Variants in CHCHD3 observed in about 807,000 individuals in gnomAD.
CHCHD3 encodes the protein MICOS complex subunit MIC19.
In CHCHD3, 20 loss-of-function variants were observed where a neutral mutation model predicts 38.2. That is an observed-to-expected ratio of 0.52 (90% CI 0.37 to 0.76). The LOEUF (loss-of-function observed/expected upper bound fraction) is 0.76, where lower values mean the gene tolerates loss of function less well. Among genes scored for constraint, CHCHD3 ranks in the 30% least tolerant of loss-of-function variants. The probability of loss-of-function intolerance (pLI) is 0.00; values close to 1 mark genes in which losing one functional copy is unlikely to be tolerated. For synonymous variants in CHCHD3, 82 were observed against 100.0 expected (o/e 0.82, Z 1.07); for missense variants, 245 against 279.2 (o/e 0.88, Z 0.87).
chr7:133,035,469 A>G lies in CHCHD3; in HGVS notation c.170-10842T>C, dbSNP rs1813646324. 30 of 1,613,402 alleles carry G rather than the reference A, an allele frequency of 1.9e-5. No homozygotes were observed. The highest frequency in any genetic ancestry group is 2.4e-5 in the Non-Finnish European group (28 of 1,179,496). On this transcript the variant is annotated intron_variant, in intron 2 of 7. Coordinates refer to ENST00000262570, the MANE Select transcript of CHCHD3 (RefSeq NM_017812.4). This position sits in a 1 kb window ranked among gnomAD's most constrained non-coding sequence, Gnocchi z 4.7. ...CAATGTCACTCGTTCGCCCACCAGAAAAGTCCTCGTCTTCAAGTAAGCATC... is the reference window on the plus strand; with the variant it reads ...CAATGTCACTCGTTCGCCCACCAGAGAAGTCCTCGTCTTCAAGTAAGCATC...
intron 6 of CHCHD3, among the ~76,000 whole-genome samples, chr7:132,826,479 G>A (rs1807511437): frequency 6.6e-6 from 1 of 152,152 alleles, no homozygotes; most frequent in African/African-American, 2.4e-5. Context: ...TCTCCTTAAT[G>A]AGCACATTTA....
At chr7:132,812,833 T>G (rs1807106517) in intron 6 of CHCHD3, among the ~76,000 whole-genome samples, 1 of 152,146 alleles carries the variant, frequency 6.6e-6, no homozygotes, top group Non-Finnish European at 1.5e-5. Flanking sequence ...CTACGACACT[T>G]TCTCACAATA....
intron 6 of CHCHD3, among the ~76,000 whole-genome samples, chr7:132,798,210 C>A (rs956561613): frequency 2.0e-5 from 3 of 151,802 alleles, no homozygotes; most frequent in Admixed American, 1.3e-4. Flanking sequence ...CACAGACATA[C>A]AGAGAAAAAA....
In CHCHD3 at chr7:132,905,935, A is replaced by G. The variant is rs189405172; in HGVS notation, c.370-20190T>C. Among the ~76,000 whole-genome samples, 253 of 152,346 alleles carry G rather than the reference A, an allele frequency of 1.7e-3. 1 individual carries two copies. Among genetic ancestry groups the G allele is most frequent in the African/African-American group, 5.8e-3 (240 of 41,590 alleles). On this transcript the variant is annotated intron_variant, in intron 4 of 7. Coordinates refer to ENST00000262570, the MANE Select transcript of CHCHD3 (RefSeq NM_017812.4). The stretch of plus-strand genomic sequence containing the variant: ...ACAGACAAATATATTAAGCATAAAT[A>G]ACCAAGACACGTAACTCAATTAGTA...
At chr7:132,880,392 A>T (rs1809020998) in intron 5 of CHCHD3, among the ~76,000 whole-genome samples, 1 of 152,224 alleles carries the variant, frequency 6.6e-6, no homozygotes, top group African/African-American at 2.4e-5. Context: ...TATCATCAGC[A>T]TGTTAATAAG....
intron 3 of CHCHD3, among the ~76,000 whole-genome samples, chr7:133,017,934 C>G (rs1813072249): frequency 6.6e-6 from 1 of 152,078 alleles, no homozygotes; most frequent in Admixed American, 6.6e-5. Flanking sequence ...ATTCCAATAC[C>G]TAGTACAGAC....
chr7:132,809,073 C>T (rs1182994654), intron 6 of CHCHD3, among the ~76,000 whole-genome samples: 1 of 151,938 alleles, frequency 6.6e-6, no homozygotes, highest in African/African-American at 2.4e-5. Context: ...CCTCAGCCTC[C>T]TGAGTAGCTG....
chr7:132,955,228 T>C (rs950264341), intron 4 of CHCHD3, among the ~76,000 whole-genome samples: 3 of 85,330 alleles, frequency 3.5e-5, no homozygotes, highest in Non-Finnish European at 6.9e-5. Flanking sequence ...CGGGGTGGGC[T>C]GGAAGACATT....
chr7:132,995,954 A>C (rs984981806), intron 3 of CHCHD3, among the ~76,000 whole-genome samples: 1 of 152,196 alleles, frequency 6.6e-6, no homozygotes, highest in Admixed American at 6.5e-5. Flanking sequence ...CCACACAAAA[A>C]TCCCACATAG....
In CHCHD3 at chr7:132,826,320, T is replaced by C. The variant is rs963979083; in HGVS notation, c.524+12079A>G. Among the ~76,000 whole-genome samples the C allele has an allele frequency of 4.6e-5, 7 of 152,344 alleles. No individual in the cohort carries two copies. In the East Asian group the frequency reaches 1.4e-3, roughly 29 times the overall value. ...TACTTCTTTGTAATTGCAATATCCC[T>C]ACAATGCATGTTTAACATACTAAAA... On this transcript the variant is annotated intron_variant, in intron 6 of 7. Transcript: ENST00000262570.
chr7:133,075,746 C>T (rs1351354712), intron 1 of CHCHD3, among the ~76,000 whole-genome samples: 1 of 152,134 alleles, frequency 6.6e-6, no homozygotes, highest in Non-Finnish European at 1.5e-5. Flanking sequence ...CAAGCTTCTG[C>T]GATGGCAGCC....
At chr7:132,847,955 C>T (rs1359370882) in intron 5 of CHCHD3, among the ~76,000 whole-genome samples, 1 of 152,140 alleles carries the variant, frequency 6.6e-6, no homozygotes, top group Non-Finnish European at 1.5e-5. Context: ...ATTCTGGTGG[C>T]CTGACACTAT....
chr7:133,070,810 A>T (rs1430202594), intron 1 of CHCHD3, among the ~76,000 whole-genome samples: 1 of 152,256 alleles, frequency 6.6e-6, no homozygotes, highest in African/African-American at 2.4e-5. Flanking sequence ...CAACATGAAG[A>T]GTGCTACCTG....
intron 4 of CHCHD3, among the ~76,000 whole-genome samples, chr7:132,939,576 T>TCA (rs1810713327): frequency 6.6e-6 from 1 of 152,170 alleles, no homozygotes; most frequent in East Asian, 1.9e-4. Flanking sequence ...CTCTCTAGTA[T>TCA]TCACACAATG....
Position 132,819,858 on chromosome 7 carries a change from G to A in CHCHD3, c.524+18541C>T, listed in dbSNP as rs533749652. 1.6e-3 allele frequency among the ~76,000 whole-genome samples: 244 copies of A among 152,278 alleles called. 1 individual carries two copies. The highest frequency in any genetic ancestry group is 8.1e-3 in the South Asian group (39 of 4,826). ...CTGTGCTGCGGGGGCAGCGTGAGCC[G>A]GGCCAAAGCGTGAGTGCGGAAGGCC... is the stretch of plus-strand genomic sequence containing the variant. On this transcript the variant is annotated intron_variant, in intron 6 of 7. Coordinates refer to ENST00000262570, the MANE Select transcript of CHCHD3 (RefSeq NM_017812.4).
At chr7:132,999,224 T>A (rs1168183547) in intron 3 of CHCHD3, among the ~76,000 whole-genome samples, 3 of 152,164 alleles carry the variant, frequency 2.0e-5, no homozygotes, top group South Asian at 2.1e-4. Context: ...AATCTAGAGT[T>A]AGAATATCTG....
intron 4 of CHCHD3, among the ~76,000 whole-genome samples, chr7:132,959,241 A>G (rs1811252937): frequency 6.6e-6 from 1 of 152,216 alleles, no homozygotes; most frequent in African/African-American, 2.4e-5. Flanking sequence ...AGAAACTTTC[A>G]CCTGCAAAGT....
At chr7:133,000,126 C>T (rs1812526331) in intron 3 of CHCHD3, among the ~76,000 whole-genome samples, 1 of 152,158 alleles carries the variant, frequency 6.6e-6, no homozygotes, top group Non-Finnish European at 1.5e-5. Flanking sequence ...AAACTTGATA[C>T]ATTTGCCAAT....
chr7:132,807,612 T>C (rs1205992618), intron 6 of CHCHD3, among the ~76,000 whole-genome samples: 3 of 31,230 alleles, frequency 9.6e-5, no homozygotes, highest in Admixed American at 9.0e-4. Flanking sequence ...CATAAATATA[T>C]ATATATATAT....
Sources: allele counts gnomAD v4.1 joint callset (sites outside exome capture counted in the v4.1 genomes callset), GRCh38; gene constraint gnomAD v4.1.1; non-coding constraint Gnocchi (gnomAD v3.1); transcripts MANE v1.5; gene names NCBI Gene and HGNC (gene_info 2026-07-23, HGNC 2026-07-21).